STK3: variants seen among roughly 807,000 people sequenced by gnomAD.
STK3 encodes the protein serine/threonine-protein kinase 3.
A neutral mutation model predicts 58.0 loss-of-function variants in STK3; 41 were observed. That is an observed-to-expected ratio of 0.71 (90% CI 0.55 to 0.92). The LOEUF (loss-of-function observed/expected upper bound fraction) is 0.92, where lower values mean the gene tolerates loss of function less well. STK3 is among the 40% of genes least tolerant of loss of function. The pLI, the probability that STK3 is intolerant of heterozygous loss-of-function variation, is 0.00. For synonymous variants in STK3, 170 were observed against 191.0 expected (o/e 0.89, Z 0.91); for missense variants, 479 against 602.7 (o/e 0.79, Z 2.15).
At chr8:98,453,420 A>C (rs1175677194), downstream of STK3, among the ~76,000 whole-genome samples, 2 of 152,166 alleles carry the variant, frequency 1.3e-5, no homozygotes, top group African/African-American at 4.8e-5. Flanking sequence ...TCTTCAAAAC[A>C]TATCTTAAAT....
At chr8:98,595,743 G>A (rs753486854) in intron 7 of STK3, 1 of 241,444 alleles carries the variant, frequency 4.1e-6, no homozygotes, top group Non-Finnish European at 8.1e-6. Flanking sequence ...AAAGTCAAAG[G>A]ATAAATGCTG....
At chr8:98,790,204 C>T (rs1252340449) in intron 1 of STK3, among the ~76,000 whole-genome samples, 1 of 152,062 alleles carries the variant, frequency 6.6e-6, no homozygotes. Context: ...ATACCAAAAC[C>T]AGGAAAGGAT....
intron 6 of STK3, among the ~76,000 whole-genome samples, chr8:98,666,569 C>T (rs1488733885): frequency 6.6e-6 from 1 of 152,078 alleles, no homozygotes; most frequent in Non-Finnish European, 1.5e-5. Flanking sequence ...GGTCTAAATA[C>T]CCAATTCTTT....
intron 6 of STK3, among the ~76,000 whole-genome samples, chr8:98,663,375 G>T (rs1185032044): frequency 6.6e-6 from 1 of 152,118 alleles, no homozygotes; most frequent in Non-Finnish European, 1.5e-5. Flanking sequence ...GAAACAACAG[G>T]TGCTAGAGAG....
At chr8:98,719,058 G>A (rs931882208) in intron 4 of STK3, among the ~76,000 whole-genome samples, 6 of 152,188 alleles carry the variant, frequency 3.9e-5, no homozygotes, top group Admixed American at 2.6e-4. Flanking sequence ...TTCATCTGAT[G>A]TTCCCAATCT....
chr8:98,727,353 A>G (rs1313816637), intron 4 of STK3, among the ~76,000 whole-genome samples: 2 of 152,238 alleles, frequency 1.3e-5, no homozygotes, highest in East Asian at 3.8e-4. Context: ...GAGGTATCAG[A>G]ACAAAAACAT....
intron 1 of STK3, among the ~76,000 whole-genome samples, chr8:98,903,528 TCTTCTTCTTCTTCTTCTTCTTCTTCTTCC>T (rs1564093428): frequency 2.6e-4 from 8 of 30,738 alleles, no homozygotes; most frequent in Non-Finnish European, 1.6e-4. Flanking sequence ...TTCTTCTTCT[TCTTCTTCTTCTTCTTCTTCTTCTTCTTCC>T]TTTTTTTTTT....
At chr8:98,381,134 C>G (rs921460114) in intron 1 of STK3, among the ~76,000 whole-genome samples, 1 of 151,948 alleles carries the variant, frequency 6.6e-6, no homozygotes, top group African/African-American at 2.4e-5. Flanking sequence ...CCATGTCCGG[C>G]TAATTTTTGT....
rs563810314 is a variant in STK3 at position 98,429,511 on chromosome 8, C to T, written n.483+4616G>A. ...TTATGGTTATGGTGTAAGGAGTATG[C>T]CCAGCCCCTGAGGGGAGAGATGCAT... On this transcript the variant is annotated intron_variant and non_coding_transcript_variant, in intron 3 of 3. Coordinates refer to the STK3 transcript ENST00000517832. 2.5e-5 allele frequency: 21 copies of T among 849,474 alleles called. No individual in the cohort carries two copies. In the East Asian group the frequency reaches 5.2e-4, roughly 21 times the overall value. The allele number at this position is 849,474 out of a possible 1,614,324, so 52.6% of individuals were successfully genotyped here.
chr8:98,465,035 G>A (rs1820358752), intron 10 of STK3, among the ~76,000 whole-genome samples: 1 of 152,156 alleles, frequency 6.6e-6, no homozygotes, highest in South Asian at 2.1e-4. Context: ...CATTCCCAAA[G>A]AAAAGGAAGA....
intron 1 of STK3, among the ~76,000 whole-genome samples, chr8:98,885,031 C>T (rs558187888): frequency 1.1e-4 from 16 of 152,208 alleles, no homozygotes; most frequent in Admixed American, 5.2e-4. Context: ...TGAAATAAAT[C>T]TCAAACAAAT....
intron 3 of STK3, among the ~76,000 whole-genome samples, chr8:98,837,363 C>CAAAAA (rs533620773): frequency 6.3e-5 from 4 of 63,192 alleles, no homozygotes; most frequent in African/African-American, 1.2e-4. Context: ...TGGAGCTCAG[C>CAAAAA]AAAAAAAAAA....
intron 3 of STK3, among the ~76,000 whole-genome samples, chr8:98,846,446 A>G (rs1836200885): frequency 6.6e-6 from 1 of 152,206 alleles, no homozygotes; most frequent in South Asian, 2.1e-4. Context: ...AACATTTATT[A>G]AGCAACTACT....
intron 6 of STK3, among the ~76,000 whole-genome samples, chr8:98,692,955 G>A (rs543520923): frequency 6.6e-6 from 1 of 152,140 alleles, no homozygotes; most frequent in East Asian, 1.9e-4. Flanking sequence ...ACAATTTGGG[G>A]GGGAAAAATA....
At chr8:98,529,099 C>T (rs1216713727) in intron 9 of STK3, among the ~76,000 whole-genome samples, 1 of 152,168 alleles carries the variant, frequency 6.6e-6, no homozygotes. Flanking sequence ...TTGAAAACTA[C>T]AGTTACTACT....
At chr8:98,383,406 TG>T (rs1427884117) in intron 1 of STK3, among the ~76,000 whole-genome samples, 1 of 152,156 alleles carries the variant, frequency 6.6e-6, no homozygotes. Flanking sequence ...ATGAGAGACA[TG>T]GAACAGGCAG....
intron 1 of STK3, among the ~76,000 whole-genome samples, chr8:98,775,449 C>G (rs556915903): frequency 1.3e-5 from 2 of 152,314 alleles, no homozygotes; most frequent in South Asian, 4.1e-4. Flanking sequence ...CAGGTACACG[C>G]CAGACGCACC....
chr8:98,392,398 T>G (rs1045601524), upstream of STK3, among the ~76,000 whole-genome samples: 4 of 152,220 alleles, frequency 2.6e-5, no homozygotes, highest in Non-Finnish European at 5.9e-5. Context: ...ATGAGGCTCC[T>G]CATCAGAAAA....
chr8:98,912,414 A>G (rs903839727), intron 1 of STK3, among the ~76,000 whole-genome samples: 5 of 152,014 alleles, frequency 3.3e-5, no homozygotes, highest in Non-Finnish European at 7.4e-5. Context: ...ACGAAAAAAA[A>G]AAAACTTTAT....
Sources: allele counts gnomAD v4.1 joint callset (sites outside exome capture counted in the v4.1 genomes callset), GRCh38; gene constraint gnomAD v4.1.1; transcripts MANE v1.5; gene names NCBI Gene and HGNC (gene_info 2026-07-23, HGNC 2026-07-21).